The following AKT3 variants were observed in gnomAD, a reference collection of about 807,000 sequenced individuals.
AKT3 encodes RAC-gamma serine/threonine-protein kinase.
Under a neutral mutation model 65.3 loss-of-function variants are expected in AKT3, and 15 were observed. The observed-to-expected ratio is 0.23, with a 90% confidence interval of 0.15 to 0.35. The LOEUF is 0.35. Among genes scored for constraint, AKT3 ranks in the 10% least tolerant of loss-of-function variants. AKT3 has a pLI of 1.00. For missense variants in AKT3, 243 were observed against 576.5 expected (o/e 0.42, Z 5.92); for synonymous variants, 206 against 183.8 (o/e 1.12, Z -0.98).
downstream of AKT3, among the ~76,000 whole-genome samples, chr1:243,499,539 A>G (rs1199759003): frequency 6.6e-6 from 1 of 152,068 alleles, no homozygotes; most frequent in African/African-American, 2.4e-5. Context: ...CTTCAAATTT[A>G]ACCCATTAAA....
At chr1:243,616,018 GGTT>G (rs1255300807) in intron 6 of AKT3, among the ~76,000 whole-genome samples, 4 of 151,934 alleles carry the variant, frequency 2.6e-5, no homozygotes, top group Non-Finnish European at 4.4e-5. Flanking sequence ...AGAGACTACA[GGTT>G]GTTTTTTTTC....
intron 11 of AKT3, 75 bp from the exon 12 acceptor site, chr1:243,545,672 T>G: frequency 1.8e-6 from 2 of 1,104,138 alleles, no homozygotes; most frequent in East Asian, 4.8e-5. Flanking sequence ...AAATATTTTG[T>G]GAAAGTGTAA....
At chr1:243,697,120 G>A (rs546515398) in intron 2 of AKT3, among the ~76,000 whole-genome samples, 6 of 151,834 alleles carry the variant, frequency 4.0e-5, no homozygotes, top group East Asian at 3.9e-4. Flanking sequence ...TACTTTATTC[G>A]AAATTGAAAA....
chr1:243,582,435 T>A (rs2148527729), intron 8 of AKT3, among the ~76,000 whole-genome samples: 1 of 133,834 alleles, frequency 7.5e-6, no homozygotes. Flanking sequence ...GGGGACCTAT[T>A]TTTAGCTTTC....
At chr1:243,512,181 C>G (rs1179009219) in intron 13 of AKT3, 143 bp downstream of exon 13, 1 of 533,540 alleles carries the variant, frequency 1.9e-6, no homozygotes, top group African/African-American at 2.0e-5. Flanking sequence ...ATTCAATATT[C>G]AATATTCTTA....
intron 12 of AKT3, among the ~76,000 whole-genome samples, chr1:243,531,274 G>A (rs775364594): frequency 1.9e-4 from 29 of 152,078 alleles, no homozygotes; most frequent in Non-Finnish European, 1.3e-4. Flanking sequence ...GTTATTTTTG[G>A]TAAAGGTGGG....
chr1:243,831,812 C>G (rs906800195), intron 2 of AKT3, among the ~76,000 whole-genome samples: 4 of 152,030 alleles, frequency 2.6e-5, no homozygotes, highest in Non-Finnish European at 5.9e-5. Flanking sequence ...GCCCCTCCCC[C>G]CCAACAAGAT....
At chr1:243,620,490 C>T (rs1312942529) in intron 6 of AKT3, among the ~76,000 whole-genome samples, 2 of 147,398 alleles carry the variant, frequency 1.4e-5, no homozygotes, top group African/African-American at 4.9e-5. Flanking sequence ...TACTTTTCCA[C>T]TGTCTCAACA....
intron 13 of AKT3, among the ~76,000 whole-genome samples, chr1:243,489,378 A>G (rs1665819317): frequency 6.6e-6 from 1 of 152,202 alleles, no homozygotes; most frequent in African/African-American, 2.4e-5. Context: ...CCGCGAATCA[A>G]CGAACCACAC....
intron 12 of AKT3, among the ~76,000 whole-genome samples, chr1:243,540,528 A>G (rs534786357): frequency 1.4e-4 from 21 of 152,314 alleles, no homozygotes; most frequent in African/African-American, 4.6e-4. Flanking sequence ...GAAGACTTAC[A>G]AAAATATAGT....
rs1484362042 is a variant in AKT3, at chr1:243,502,682, A to G, written c.*2567T>C. 1 of 233,094 alleles carries G rather than the reference A, an allele frequency of 4.3e-6. No individual in the cohort carries two copies. Among genetic ancestry groups the G allele is most frequent in the African/African-American group, 2.2e-5 (1 of 45,324 alleles). 14.4% of individuals were successfully genotyped at this position (233,094 alleles called of 1,614,324 possible). A position where few individuals can be genotyped will look rare whatever the true frequency, so the allele number is the denominator to read the frequency against. On this transcript the variant is annotated 3_prime_UTR_variant, in exon 14 of 14. Transcript: ENST00000673466. ...ACAGATCTGGAAGTGAAAATAGGGG[A>G]TTCTCAAAATCAAAGCCAAGAAGAC...
intron 2 of AKT3, among the ~76,000 whole-genome samples, chr1:243,839,147 T>A (rs924060649): frequency 2.6e-4 from 40 of 152,304 alleles, no homozygotes; most frequent in African/African-American, 7.2e-4. Context: ...AGCCCTTAAT[T>A]AATACTATTG....
intron 8 of AKT3, among the ~76,000 whole-genome samples, chr1:243,589,175 AG>A (rs1676025157): frequency 6.6e-6 from 1 of 151,640 alleles, no homozygotes; most frequent in South Asian, 2.1e-4. Context: ...GCGTGGTGGC[AG>A]GCACCTGTAA....
chr1:243,560,932 AG>A (rs914798349), intron 10 of AKT3, among the ~76,000 whole-genome samples: 6 of 152,104 alleles, frequency 3.9e-5, no homozygotes, highest in Non-Finnish European at 8.8e-5. Flanking sequence ...AATTTATAGC[AG>A]GGGTAACTGA....
chr1:243,748,602 A>C (rs1304771128), intron 2 of AKT3, among the ~76,000 whole-genome samples: 1 of 152,194 alleles, frequency 6.6e-6, no homozygotes, highest in Non-Finnish European at 1.5e-5. Context: ...ATTTCAGAAA[A>C]TGTTAAAGTT....
intron 12 of AKT3, among the ~76,000 whole-genome samples, chr1:243,527,374 A>G (rs942873373): frequency 7.9e-5 from 12 of 152,354 alleles, no homozygotes; most frequent in South Asian, 2.1e-4. Context: ...TAGGAATGCA[A>G]TAAGTATTAA....
intron 2 of AKT3, among the ~76,000 whole-genome samples, chr1:243,777,709 T>C (rs540195371): frequency 5.3e-5 from 8 of 152,296 alleles, no homozygotes; most frequent in African/African-American, 1.7e-4. Flanking sequence ...CTGTACTTTA[T>C]AATATAAAAT....
chr1:243,569,842 T>C (rs1035973297), intron 9 of AKT3, among the ~76,000 whole-genome samples: 4 of 152,212 alleles, frequency 2.6e-5, no homozygotes, highest in South Asian at 4.1e-4. Context: ...TAGATGGCCA[T>C]GGTCATTGGT....
At chr1:243,822,966 A>G (rs1007261688) in intron 2 of AKT3, among the ~76,000 whole-genome samples, 1 of 152,132 alleles carries the variant, frequency 6.6e-6, no homozygotes, top group Non-Finnish European at 1.5e-5. Context: ...AACCCAGGAG[A>G]GATGAAACAA....
Sources: allele counts gnomAD v4.1 joint callset (sites outside exome capture counted in the v4.1 genomes callset), GRCh38; gene constraint gnomAD v4.1.1; transcripts MANE v1.5; gene names NCBI Gene and HGNC (gene_info 2026-07-23, HGNC 2026-07-21).